SPP2: variants seen among roughly 807,000 people sequenced by gnomAD.
SPP2 encodes the protein secreted phosphoprotein 24.
SPP2 carries 34 observed loss-of-function variants against 28.8 expected under a neutral mutation model. That is an observed-to-expected ratio of 1.18 (90% confidence interval 0.90 to 1.57). The LOEUF (loss-of-function observed/expected upper bound fraction) is 1.57, where lower values mean the gene tolerates loss of function less well. Among genes scored for constraint, SPP2 ranks in the 40% most tolerant of loss-of-function variants. The pLI, the probability that SPP2 is intolerant of heterozygous loss-of-function variation, is 0.00. For missense variants in SPP2, 269 were observed against 263.9 expected, an observed-to-expected ratio of 1.02 and a Z score of -0.13; for synonymous variants, 96 against 89.4, an observed-to-expected ratio of 1.07 and a Z score of -0.42.
intron 2 of SPP2, among the ~76,000 whole-genome samples, chr2:234,053,971 A>G (rs1693553095): frequency 6.6e-6 from 1 of 152,178 alleles, no homozygotes; most frequent in African/African-American, 2.4e-5. Context: ...GACACAGTTA[A>G]ATAAACCAAA....
At position 234,071,736 on chromosome 2, in the gene SPP2, C is replaced by A. The variant is rs139858542; in HGVS notation, c.*10+1713C>A. Among the ~76,000 whole-genome samples the A allele has an allele frequency of 2.0e-5, 3 of 152,326 alleles. No individual in the cohort carries two copies. The South Asian group carries it at 6.2e-4, about 32-fold the overall frequency. On this transcript the variant is annotated intron_variant, in intron 7 of 7. Coordinates refer to ENST00000168148, the MANE Select transcript of SPP2 (RefSeq NM_006944.3). ...GGGTCTGCCCACATCTCCAGCCTCA[C>A]CTGGCCGCTCAGCTCCTGAGGCACT...
intron 2 of SPP2, among the ~76,000 whole-genome samples, chr2:234,052,225 C>A (rs1693512585): frequency 6.6e-6 from 1 of 152,128 alleles, no homozygotes; most frequent in African/African-American, 2.4e-5. Context: ...CACTGGTCAG[C>A]TGCCACACCA....
intron 4 of SPP2, among the ~76,000 whole-genome samples, chr2:234,063,726 C>T (rs1428519822): frequency 6.6e-6 from 1 of 152,126 alleles, no homozygotes; most frequent in Non-Finnish European, 1.5e-5. Flanking sequence ...CAATGTATTA[C>T]AGTTGTAGGT....
chr2:234,066,396 T>C, intron 4 of SPP2, 137 bp from the exon 5 acceptor site: 1 of 703,814 alleles, frequency 1.4e-6, no homozygotes, highest in East Asian at 2.7e-5. Context: ...TTATTTAATA[T>C]AACGTATTGC....
At position 234,069,965 on chromosome 2, in the gene SPP2, G is replaced by A. The variant is rs774770808; in HGVS notation, c.588G>A (p.Arg196=). The stretch of plus-strand genomic sequence containing the variant: ...GGGTATTGCCTCCTGGAAACAGAAG[G>A]TACCCAAACCACCGGCACAGAGCAA... ...MRRVLPPGNR[R]YPNHRHRARI... Residue 196 remains arginine (R), a synonymous_variant, in exon 7 of 8, where the codon AGG becomes AGA. Coordinates refer to ENST00000168148, the MANE Select transcript of SPP2 (RefSeq NM_006944.3). 10 of 1,613,370 alleles carry A rather than the reference G, an allele frequency of 6.2e-6. No individual in the cohort carries two copies. In the South Asian group the frequency reaches 6.6e-5, roughly 11 times the overall value.
chr2:234,070,020 T>G lies in SPP2; in HGVS notation c.*7T>G. 6.2e-7 allele frequency: 1 copy of G among 1,612,294 alleles called. No homozygotes were observed. Reference sequence around the variant, plus strand: ...AAATACTGACTTTGAGTAACGGCCTTGAGGTAAGAAAATGCAGGTGCACAC... The same window carrying G: ...AAATACTGACTTTGAGTAACGGCCTGGAGGTAAGAAAATGCAGGTGCACAC... On this transcript the variant is annotated 3_prime_UTR_variant, in exon 7 of 8. Transcript: ENST00000168148.
chr2:234,053,834 T>G (rs1693549239), intron 2 of SPP2, among the ~76,000 whole-genome samples: 1 of 151,426 alleles, frequency 6.6e-6, no homozygotes, highest in Non-Finnish European at 1.5e-5. Context: ...CTGGGCCCTA[T>G]GCTGGGGAGG....
intron 7 of SPP2, among the ~76,000 whole-genome samples, chr2:234,071,041 A>T (rs1367074078): frequency 6.6e-6 from 1 of 152,028 alleles, no homozygotes; most frequent in African/African-American, 2.4e-5. Context: ...ATTACCATCC[A>T]CCTAATTTGC....
At chr2:234,066,362 C>G (rs568216069) in intron 4 of SPP2, among the ~76,000 whole-genome samples, 171 bp from the exon 5 acceptor site, 1 of 152,236 alleles carries the variant, frequency 6.6e-6, no homozygotes, top group South Asian at 2.1e-4. Context: ...CTTTTTTAGA[C>G]TTATATGTTT....
Position 234,066,530 on chromosome 2 carries a change from T to C in SPP2, c.445-3T>C. Reference sequence around the variant, plus strand: ...ACACATCCTGATGCCTGAATTTCTTTAGATGATTTTTGGGGACATGTTGGG... The same window carrying C: ...ACACATCCTGATGCCTGAATTTCTTCAGATGATTTTTGGGGACATGTTGGG... On this transcript the variant is annotated splice_region_variant and splice_polypyrimidine_tract_variant and intron_variant, in intron 4 of 7. Transcript: ENST00000168148. 6.2e-7 allele frequency: 1 copy of C among 1,612,052 alleles called. No homozygotes were observed. The highest frequency in any genetic ancestry group is 1.1e-5 in the South Asian group (1 of 90,992).
intron 7 of SPP2, among the ~76,000 whole-genome samples, chr2:234,073,873 T>A (rs1690844555): frequency 6.6e-6 from 1 of 152,188 alleles, no homozygotes. Context: ...GTAAAAAGAA[T>A]CATTCTCATG....
At chr2:234,058,670 T>G (rs1693656148) in intron 2 of SPP2, among the ~76,000 whole-genome samples, 166 bp from the exon 3 acceptor site, 1 of 152,218 alleles carries the variant, frequency 6.6e-6, no homozygotes, top group South Asian at 2.1e-4. Context: ...TTTTCCTCTC[T>G]GGTCTGCAGA....
chr2:234,076,592 G>T (rs1455922832), intron 7 of SPP2, among the ~76,000 whole-genome samples: 1 of 152,052 alleles, frequency 6.6e-6, no homozygotes, highest in Non-Finnish European at 1.5e-5. Context: ...TGGCTGGATG[G>T]CGTATCCTGA....
At chr2:234,052,142 G>C (rs910268497) in intron 2 of SPP2, among the ~76,000 whole-genome samples, 2 of 152,030 alleles carry the variant, frequency 1.3e-5, no homozygotes, top group African/African-American at 4.8e-5. Flanking sequence ...TATGGGCTAT[G>C]CTTTTTTTTA....
rs1186222162 is a variant in SPP2, at chr2:234,067,249, T to C, written c.525T>C (p.Ser175=). ...LFGLISDESI[S]EQFYDRSLGI... is the part of the protein sequence containing the mutation. ...GTCTCATTTCAGACGAGTCCATAAG[T>C]GAACAATTTTATGATCGGTCACTTG... The change falls in exon 6 of 8, where the codon AGT becomes AGC. Residue 175 remains serine, a synonymous_variant. Coordinates refer to ENST00000168148, the MANE Select transcript of SPP2 (RefSeq NM_006944.3). 2.5e-6 allele frequency: 4 copies of C among 1,614,066 alleles called. No individual in the cohort carries two copies. Among genetic ancestry groups the C allele is most frequent in the East Asian group, 2.2e-5 (1 of 44,872 alleles).
At chr2:234,058,156 C>G (rs1358839950) in intron 2 of SPP2, among the ~76,000 whole-genome samples, 7 of 152,194 alleles carry the variant, frequency 4.6e-5, no homozygotes. Flanking sequence ...ACTGTGACTC[C>G]TGCCTGAACA....
Position 234,070,000 on chromosome 2 carries a change from CTGACTT to C in SPP2, c.627_632del (p.Asp209_Phe210del). 6.2e-7 allele frequency: 1 copy of C among 1,613,306 alleles called. No individual in the cohort carries two copies. The highest frequency in any genetic ancestry group is 8.5e-7 in the Non-Finnish European group (1 of 1,179,428). ...CACCGGCACAGAGCAAGAATAAATA[CTGACTT>C]TGAGTAACGGCCTTGAGGTAAGAAA... On this transcript the variant is annotated inframe_deletion, in exon 7 of 8. Transcript: ENST00000168148.
chr2:234,063,160 GA>G (rs1173164555), intron 4 of SPP2, among the ~76,000 whole-genome samples: 4 of 151,028 alleles, frequency 2.6e-5, no homozygotes, highest in Non-Finnish European at 4.4e-5. Context: ...CATTCTCAGT[GA>G]AAAAAAATGG....
In SPP2 at chr2:234,052,457, G is replaced by A. The variant is rs1209129451; in HGVS notation, c.210+1362G>A. Reference sequence around the variant, plus strand: ...CAGTTTATTAGATGAATAAGAGCATGAGGATAGATCCCAAGAGAACCAATT... The same window carrying A: ...CAGTTTATTAGATGAATAAGAGCATAAGGATAGATCCCAAGAGAACCAATT... On this transcript the variant is annotated intron_variant, in intron 2 of 7. Transcript: ENST00000168148. 2.6e-5 allele frequency among the ~76,000 whole-genome samples: 4 copies of A among 152,212 alleles called. No individual in the cohort carries two copies. In the East Asian group the frequency reaches 5.8e-4, roughly 22 times the overall value.
Sources: allele counts gnomAD v4.1 joint callset (sites outside exome capture counted in the v4.1 genomes callset), GRCh38; gene constraint gnomAD v4.1.1; transcripts MANE v1.5; gene names NCBI Gene and HGNC (gene_info 2026-07-23, HGNC 2026-07-21).